The following CAPN6 variants were observed in gnomAD, a reference collection of about 807,000 sequenced individuals.
The protein encoded by CAPN6 is calpain-6.
CAPN6 carries 16 observed loss-of-function variants against 46.0 expected under a neutral mutation model. The observed-to-expected ratio is 0.35, with a 90% CI of 0.24 to 0.53. The LOEUF (loss-of-function observed/expected upper bound fraction) is 0.53, where lower values mean the gene tolerates loss of function less well. Ranked by LOEUF, CAPN6 falls within the 20% of genes least tolerant of loss-of-function variation. The probability of loss-of-function intolerance (pLI) is 0.94; values close to 1 mark genes in which losing one functional copy is unlikely to be tolerated. For synonymous variants in CAPN6, 206 were observed against 172.8 expected (o/e 1.19, Z -1.51); for missense variants, 461 against 498.0 (o/e 0.93, Z 0.71).
Position 111,269,772 on chromosome X carries a change from C to T in CAPN6, c.-16+599G>A, listed in dbSNP as rs969324724. Among the ~76,000 whole-genome samples the T allele has an allele frequency of 5.4e-5, 6 of 111,983 alleles. No individual in the cohort carries two copies. The Admixed American group carries it at 5.6e-4, about 11-fold the overall frequency. On this transcript the variant is annotated intron_variant, in intron 1 of 12. Transcript: ENST00000324068. Reference sequence around the variant, plus strand: ...TGAAAATGGAATAGCCAAGATCAACCTGTCACCAGGGCAGGAAGACCACTG... The same window carrying T: ...TGAAAATGGAATAGCCAAGATCAACTTGTCACCAGGGCAGGAAGACCACTG...
intron 2 of CAPN6, among the ~76,000 whole-genome samples, chrX:111,260,270 G>C (rs17882969): frequency 1.3e-3 from 147 of 111,929 alleles, no homozygotes; most frequent in Middle Eastern, 4.6e-3. Context: ...TGGGGCGGCG[G>C]GGGGCCGGGG....
At chrX:111,257,890 C>A (rs143360055) in intron 2 of CAPN6, among the ~76,000 whole-genome samples, 1 of 111,564 alleles carries the variant, frequency 9.0e-6, no homozygotes, top group South Asian at 3.8e-4. Flanking sequence ...CATTTTGTCA[C>A]GGCAAAATGA....
At chrX:111,259,936 C>T (rs1242584135) in intron 2 of CAPN6, among the ~76,000 whole-genome samples, 1 of 111,398 alleles carries the variant, frequency 9.0e-6, no homozygotes, top group Admixed American at 9.6e-5. Flanking sequence ...ATCCTACCGG[C>T]AGTCTTATGA....
At chrX:111,247,842 G>T in intron 11 of CAPN6, 29 bp downstream of exon 11, 1 of 1,199,394 alleles carries the variant, frequency 8.3e-7, no homozygotes, top group Non-Finnish European at 1.1e-6. Context: ...ACTGAATTTT[G>T]CTTTCCCAGA....
chrX:111,264,785 T>C (rs746206530), intron 1 of CAPN6, among the ~76,000 whole-genome samples: 1 of 110,874 alleles, frequency 9.0e-6, no homozygotes, highest in African/African-American at 3.3e-5. Flanking sequence ...TCAAGCAATG[T>C]CTATCAGAGT....
At chrX:111,257,295 C>A (rs2147535040) in intron 2 of CAPN6, among the ~76,000 whole-genome samples, 1 of 111,658 alleles carries the variant, frequency 9.0e-6, no homozygotes, top group South Asian at 3.8e-4. Flanking sequence ...TTAAAACCTA[C>A]CTAAACACTC....
At chrX:111,268,893 T>C (rs1244675126) in intron 1 of CAPN6, among the ~76,000 whole-genome samples, 1 of 112,410 alleles carries the variant, frequency 8.9e-6, no homozygotes, top group East Asian at 2.8e-4. Context: ...CCAACGTTTT[T>C]TTTTAAACCA....
Position 111,247,978 on chromosome X carries a change from T to A in CAPN6, c.1499A>T (p.Asp500Val). ...GTTCCAGCAGGACATTTTGGGCATG[T>A]CCAGAGTCAGTTCCCTAGAACATCA... ...VPVQLRELTL[D>V]MPKMSCWNLA... The change falls in exon 11 of 13, where the codon GAC becomes GTC. Residue 500 changes from aspartate to valine, a missense_variant. Coordinates refer to ENST00000324068, the MANE Select transcript of CAPN6 (RefSeq NM_014289.4). 8.3e-7 allele frequency: 1 copy of A among 1,210,348 alleles called. No individual in the cohort carries two copies. The highest frequency in any genetic ancestry group is 1.1e-6 in the Non-Finnish European group (1 of 894,401).
chrX:111,255,724 T>C (rs770654834), intron 2 of CAPN6, among the ~76,000 whole-genome samples: 4 of 111,562 alleles, frequency 3.6e-5, no homozygotes, highest in Non-Finnish European at 5.6e-5. Flanking sequence ...AAAGCCAAAA[T>C]AACTCTGGAA....
intron 2 of CAPN6, among the ~76,000 whole-genome samples, chrX:111,257,478 T>C (rs946632569): frequency 2.7e-5 from 3 of 112,404 alleles, no homozygotes; most frequent in African/African-American, 9.7e-5. Flanking sequence ...CCCTATCTTC[T>C]GCCTCTTTAA....
chrX:111,247,656 C>T (rs958184491), intron 11 of CAPN6, 152 bp from the exon 12 acceptor site: 1 of 670,355 alleles, frequency 1.5e-6, no homozygotes, highest in Non-Finnish European at 2.2e-6. Flanking sequence ...TCCCACTTCC[C>T]TTTCCTTTTC....
At position 111,260,856 on chromosome X, in the gene CAPN6, T is replaced by G. The variant is rs1334450850; in HGVS notation, c.165+2916A>C. On this transcript the variant is annotated intron_variant, in intron 2 of 12. Transcript: ENST00000324068. ...ATGACTGAAAATAGCATTTCATACA[T>G]CCAACATTCATTTCTTTTTTAACTA... 2.7e-5 allele frequency among the ~76,000 whole-genome samples: 3 copies of G among 112,752 alleles called. No homozygotes were observed. In the Admixed American group the frequency reaches 2.8e-4, roughly 11 times the overall value.
intron 12 of CAPN6, 126 bp from the exon 13 acceptor site, chrX:111,246,885 C>A: frequency 1.9e-6 from 1 of 534,753 alleles, no homozygotes; most frequent in Non-Finnish European, 2.9e-6. Flanking sequence ...CTATTCTGTC[C>A]TTTCCTGATA....
At chrX:111,261,980 A>G (rs1386795000) in intron 2 of CAPN6, among the ~76,000 whole-genome samples, 1 of 111,399 alleles carries the variant, frequency 9.0e-6, no homozygotes, top group Admixed American at 9.6e-5. Flanking sequence ...TGCCCTATTG[A>G]CATCTTTTCC....
intron 2 of CAPN6, among the ~76,000 whole-genome samples, chrX:111,262,632 C>G (rs749510940): frequency 8.9e-6 from 1 of 111,888 alleles, no homozygotes; most frequent in East Asian, 2.8e-4. Flanking sequence ...TATACCTCAT[C>G]ACCTACATTG....
At chrX:111,254,544 A>T (rs1301038253) in intron 2 of CAPN6, 141 bp from the exon 3 acceptor site, 10 of 427,681 alleles carry the variant, frequency 2.3e-5, no homozygotes, top group Non-Finnish European at 3.2e-5. Flanking sequence ...AGATGGGATG[A>T]AGGGAAGGCT....
At chrX:111,250,209 C>T (rs2094977962) in intron 8 of CAPN6, among the ~76,000 whole-genome samples, 1 of 111,613 alleles carries the variant, frequency 9.0e-6, no homozygotes, top group South Asian at 3.8e-4. Flanking sequence ...CACCCATGGG[C>T]AGTGAGGCAG....
Position 111,247,477 on chromosome X carries a change from C to A in CAPN6, c.1634G>T (p.Cys545Phe). ...AGGAGAACGGACTTCCTCCTTTCCA[C>A]ATTTGATGACCAAATATGGGTTTAC... is the stretch of plus-strand genomic sequence containing the variant. Reference protein sequence around the residue: ...ETVNPYLVIKCGKEEVRSPVQ... With the variant: ...ETVNPYLVIKFGKEEVRSPVQ... Residue 545 changes from cysteine to phenylalanine, a missense_variant, in exon 12 of 13, where the codon TGT (cysteine) becomes TTT (phenylalanine). Physicochemically the swap from Cys to Phe is radical, Grantham distance 205 (BLOSUM62 -2). Transcript: ENST00000324068. 8.3e-7 allele frequency: 1 copy of A among 1,206,612 alleles called. No individual in the cohort carries two copies. The highest frequency in any genetic ancestry group is 1.1e-6 in the Non-Finnish European group (1 of 892,987).
In CAPN6 at chrX:111,248,590, G is replaced by A; in HGVS notation, c.1463C>T (p.Ser488Phe). Residue 488 changes from serine (S) to phenylalanine (F), a missense_variant, in exon 10 of 13, where the codon TCT (serine) becomes TTT (phenylalanine). Transcript: ENST00000324068. ...GAACCTGAGCTGGACAGGCACTTCAGAGAAGATTCTCAGGAGAAACTCGCT... is the reference window on the plus strand; with the variant it reads ...GAACCTGAGCTGGACAGGCACTTCAAAGAAGATTCTCAGGAGAAACTCGCT... ...RTSEFLLRIF[S>F]EVPVQLRELT... 1 of 1,209,020 alleles carries A rather than the reference G, an allele frequency of 8.3e-7. No homozygotes were observed. Among genetic ancestry groups the A allele is most frequent in the Non-Finnish European group, 1.1e-6 (1 of 894,317 alleles).
Sources: allele counts gnomAD v4.1 joint callset (sites outside exome capture counted in the v4.1 genomes callset), GRCh38; gene constraint gnomAD v4.1.1; transcripts MANE v1.5; gene names NCBI Gene and HGNC (gene_info 2026-07-23, HGNC 2026-07-21).